The following BACE2 variants were observed in gnomAD, a reference collection of about 807,000 sequenced individuals.
BACE2 encodes 56 kDa aspartic-like protease.
Under a neutral mutation model 46.2 loss-of-function variants are expected in BACE2, and 17 were observed. The ratio of observed to expected loss-of-function variants is 0.37; its 90% CI spans 0.25 to 0.55. The LOEUF is 0.55. BACE2 is among the 20% of genes least tolerant of loss of function. The pLI is 0.82. For missense variants in BACE2, 595 were observed against 698.1 expected (o/e 0.85, Z 1.66); for synonymous variants, 277 against 295.9 (o/e 0.94, Z 0.66).
intron 8 of BACE2, among the ~76,000 whole-genome samples, chr21:41,272,807 T>C (rs1260632731): frequency 6.6e-6 from 1 of 152,230 alleles, no homozygotes; most frequent in Non-Finnish European, 1.5e-5. Flanking sequence ...TATTATGAAC[T>C]GTGTTTTCCT....
At chr21:41,176,513 T>C (rs976699698) in intron 1 of BACE2, 4 of 152,258 alleles carry the variant, frequency 2.6e-5, no homozygotes, top group African/African-American at 9.6e-5. Context: ...GCCATTGGAC[T>C]CTATTTGGAG....
intron 1 of BACE2, among the ~76,000 whole-genome samples, chr21:41,201,786 C>T (rs1038336226): frequency 7.9e-5 from 12 of 152,138 alleles, no homozygotes; most frequent in Admixed American, 2.0e-4. Context: ...GGCCCTTTTC[C>T]GAAGAAAATC....
intron 1 of BACE2, among the ~76,000 whole-genome samples, chr21:41,199,341 C>A (rs1985867529): frequency 6.6e-6 from 1 of 151,968 alleles, no homozygotes; most frequent in African/African-American, 2.4e-5. Flanking sequence ...CTGGAGGGAG[C>A]CCCAGGGAGG....
chr21:41,230,215 G>A (rs1441261922), intron 2 of BACE2: 1 of 152,198 alleles, frequency 6.6e-6, no homozygotes, highest in African/African-American at 2.4e-5. Flanking sequence ...TCCCACTTCT[G>A]CGTTTGAGGC....
At chr21:41,170,062 A>G (rs981117688) in intron 1 of BACE2, among the ~76,000 whole-genome samples, 1 of 152,156 alleles carries the variant, frequency 6.6e-6, no homozygotes, top group Non-Finnish European at 1.5e-5. Flanking sequence ...CCCATTGGAC[A>G]TGTGTGCTTT....
intron 8 of BACE2, among the ~76,000 whole-genome samples, chr21:41,270,649 A>G (rs2088425554): frequency 6.6e-6 from 1 of 152,264 alleles, no homozygotes; most frequent in Non-Finnish European, 1.5e-5. Context: ...TTATTCTAAT[A>G]TAACCTCAGT....
chr21:41,204,349 G>A (rs1006555825), intron 1 of BACE2, among the ~76,000 whole-genome samples: 19 of 152,246 alleles, frequency 1.2e-4, no homozygotes, highest in African/African-American at 2.6e-4. Context: ...CCAAGAGTTG[G>A]CATTTTCTTT....
chr21:41,215,801 G>A (rs545019122), intron 1 of BACE2, among the ~76,000 whole-genome samples: 1 of 152,268 alleles, frequency 6.6e-6, no homozygotes, highest in Admixed American at 6.5e-5. Context: ...GTTATGCTTT[G>A]CTTGGAAGTT....
intron 1 of BACE2, among the ~76,000 whole-genome samples, chr21:41,213,330 C>T (rs971791874): frequency 1.3e-5 from 2 of 152,150 alleles, no homozygotes; most frequent in African/African-American, 4.8e-5. Context: ...TTCTGGGGAA[C>T]GCAGGACTTA....
chr21:41,237,968 T>C (rs919736164), intron 3 of BACE2, among the ~76,000 whole-genome samples: 1 of 152,246 alleles, frequency 6.6e-6, no homozygotes, highest in East Asian at 1.9e-4. Context: ...TTTGTTTTAT[T>C]TTCGTTTTAT....
In BACE2 at chr21:41,192,316, C is replaced by T. The variant is rs138886463; in HGVS notation, c.312+23741C>T. 7.6e-3 allele frequency among the ~76,000 whole-genome samples: 1,157 copies of T among 152,320 alleles called. 8 individuals carry two copies. The highest frequency in any genetic ancestry group is 0.011 in the Non-Finnish European group (780 of 68,022). ...AGGGTGGCAGGAGTGGAGACCAGGGCATTTGAACCACTTCCTCATGTAACT... is the reference window on the plus strand; with the variant it reads ...AGGGTGGCAGGAGTGGAGACCAGGGTATTTGAACCACTTCCTCATGTAACT... On this transcript the variant is annotated intron_variant, in intron 1 of 8. Coordinates refer to ENST00000330333, the MANE Select transcript of BACE2 (RefSeq NM_012105.5).
At chr21:41,237,296 A>C (rs1451033580) in intron 2 of BACE2, among the ~76,000 whole-genome samples, 1 of 152,094 alleles carries the variant, frequency 6.6e-6, no homozygotes, top group Non-Finnish European at 1.5e-5. Context: ...AATTACAAAA[A>C]TTAGCTGGGC....
In BACE2 at chr21:41,272,457, C is replaced by T. The variant is rs375192236; in HGVS notation, c.1304-2914C>T. On this transcript the variant is annotated intron_variant, in intron 8 of 8. Coordinates refer to ENST00000330333, the MANE Select transcript of BACE2 (RefSeq NM_012105.5). ...TGATTTAGCAGCTTGATATTGTCCA[C>T]AGTTTACTGATGTTCTCTCTCTCTC... Among the ~76,000 whole-genome samples, 31 of 152,082 alleles carry T rather than the reference C, an allele frequency of 2.0e-4. 1 individual carries two copies. Among genetic ancestry groups the T allele is most frequent in the South Asian group, 8.3e-4 (4 of 4,816 alleles).
At chr21:41,172,292 C>A (rs908000260) in intron 1 of BACE2, among the ~76,000 whole-genome samples, 2 of 152,194 alleles carry the variant, frequency 1.3e-5, no homozygotes, top group African/African-American at 4.8e-5. Context: ...CAGCTTGAAA[C>A]AACAAGGAGG....
At chr21:41,209,304 G>A (rs982725293) in intron 1 of BACE2, among the ~76,000 whole-genome samples, 8 of 152,232 alleles carry the variant, frequency 5.3e-5, no homozygotes, top group African/African-American at 9.6e-5. Flanking sequence ...CGCCCGAGCC[G>A]GGCTGGGAAG....
At chr21:41,228,905 G>A (rs1386851466) in intron 2 of BACE2, among the ~76,000 whole-genome samples, 2 of 152,226 alleles carry the variant, frequency 1.3e-5, no homozygotes, top group African/African-American at 2.4e-5. Flanking sequence ...CTAAACCTGT[G>A]TAGAAAAGAT....
intron 2 of BACE2, among the ~76,000 whole-genome samples, chr21:41,236,390 C>G: frequency 6.6e-6 from 1 of 152,156 alleles, no homozygotes; most frequent in East Asian, 1.9e-4. Flanking sequence ...GCTCTCGTCC[C>G]GTAACCACCA....
At chr21:41,212,543 C>T (rs1295592109) in intron 1 of BACE2, among the ~76,000 whole-genome samples, 1 of 152,164 alleles carries the variant, frequency 6.6e-6, no homozygotes, top group South Asian at 2.1e-4. Context: ...GAGGTCAATA[C>T]AGGGTGCACT....
At chr21:41,172,205 T>A (rs1305658776) in intron 1 of BACE2, among the ~76,000 whole-genome samples, 1 of 152,188 alleles carries the variant, frequency 6.6e-6, no homozygotes, top group Non-Finnish European at 1.5e-5. Flanking sequence ...GAGTGAGAAG[T>A]GGCAGCTTCT....
Sources: allele counts gnomAD v4.1 joint callset (sites outside exome capture counted in the v4.1 genomes callset), GRCh38; gene constraint gnomAD v4.1.1; transcripts MANE v1.5; gene names NCBI Gene and HGNC (gene_info 2026-07-23, HGNC 2026-07-21).